GABRB1: variants seen among roughly 807,000 people sequenced by gnomAD.
The protein encoded by GABRB1 is gamma-aminobutyric acid type A receptor subunit beta1, also known as gamma-aminobutyric acid receptor subunit beta-1.
Under a neutral mutation model 51.6 loss-of-function variants are expected in GABRB1, and 17 were observed. The observed-to-expected ratio is 0.33, with a 90% CI of 0.23 to 0.49. The LOEUF is 0.49. Among genes scored for constraint, GABRB1 ranks in the 20% least tolerant of loss-of-function variants. The probability of loss-of-function intolerance (pLI) is 0.99; values close to 1 mark genes in which losing one functional copy is unlikely to be tolerated. For synonymous variants in GABRB1, 247 were observed against 218.9 expected (o/e 1.13, Z -1.14); for missense variants, 410 against 600.6 (o/e 0.68, Z 3.32).
At chr4:47,257,705 A>G (rs1704942693) in intron 4 of GABRB1, among the ~76,000 whole-genome samples, 1 of 152,088 alleles carries the variant, frequency 6.6e-6, no homozygotes. Flanking sequence ...GAAAAAAAAA[A>G]AACTAGTGAA....
chr4:47,379,498 C>A (rs1399734929), intron 5 of GABRB1, among the ~76,000 whole-genome samples: 1 of 152,146 alleles, frequency 6.6e-6, no homozygotes, highest in Non-Finnish European at 1.5e-5. Context: ...GTAGGCTAAA[C>A]TAAGCTATGC....
At chr4:47,288,526 T>C (rs1278187231) in intron 4 of GABRB1, among the ~76,000 whole-genome samples, 1 of 152,156 alleles carries the variant, frequency 6.6e-6, no homozygotes, top group Non-Finnish European at 1.5e-5. Context: ...CCTCCCAAAA[T>C]GCTGGGATTA....
chr4:47,364,278 C>T (rs901408049), intron 5 of GABRB1, among the ~76,000 whole-genome samples: 1 of 152,046 alleles, frequency 6.6e-6, no homozygotes, highest in Non-Finnish European at 1.5e-5. Flanking sequence ...AGGACAAAGG[C>T]CTCCAAACTG....
intron 3 of GABRB1, among the ~76,000 whole-genome samples, chr4:47,133,766 G>T (rs1020327687): frequency 2.0e-5 from 3 of 152,148 alleles, no homozygotes; most frequent in Non-Finnish European, 4.4e-5. Context: ...GAAGGTACAT[G>T]ATGTCAGATG....
At chr4:47,384,376 C>T (rs983498140) in intron 5 of GABRB1, among the ~76,000 whole-genome samples, 4 of 149,540 alleles carry the variant, frequency 2.7e-5, no homozygotes, top group African/African-American at 7.4e-5. Context: ...CACTATTTCT[C>T]ATCAGAATTT....
intron 4 of GABRB1, among the ~76,000 whole-genome samples, chr4:47,206,653 C>T (rs1410198370): frequency 6.6e-6 from 1 of 151,692 alleles, no homozygotes; most frequent in African/African-American, 2.4e-5. Context: ...TTCTAAGTAA[C>T]TCAAAGGATG....
At chr4:47,137,272 G>A (rs1457907719) in intron 3 of GABRB1, among the ~76,000 whole-genome samples, 1 of 152,042 alleles carries the variant, frequency 6.6e-6, no homozygotes, top group Admixed American at 6.6e-5. Flanking sequence ...GGGATCTGGA[G>A]GTGGTCTGAT....
At chr4:47,123,830 A>G (rs1195873994) in intron 3 of GABRB1, among the ~76,000 whole-genome samples, 1 of 85,950 alleles carries the variant, frequency 1.2e-5, no homozygotes, top group Non-Finnish European at 2.1e-5. Flanking sequence ...ATATTATATT[A>G]TATATTATAT....
intron 5 of GABRB1, among the ~76,000 whole-genome samples, chr4:47,398,381 C>A (rs1234435339): frequency 6.6e-6 from 1 of 152,050 alleles, no homozygotes; most frequent in Admixed American, 6.5e-5. Flanking sequence ...TTCTGTTGTC[C>A]AATGTCTTGG....
chr4:47,003,463 T>A (rs981561872), intron 1 of GABRB1, among the ~76,000 whole-genome samples: 1 of 152,246 alleles, frequency 6.6e-6, no homozygotes, highest in African/African-American at 2.4e-5. Flanking sequence ...AGGAAGTTCA[T>A]TGTTATTTAG....
intron 1 of GABRB1, among the ~76,000 whole-genome samples, chr4:47,003,364 T>C (rs1236092251): frequency 6.6e-6 from 1 of 152,208 alleles, no homozygotes; most frequent in Admixed American, 6.5e-5. Flanking sequence ...ACTGACTGAG[T>C]TTCTCGAGGA....
chr4:47,336,691 G>T (rs1318649643), intron 5 of GABRB1, among the ~76,000 whole-genome samples: 2 of 152,216 alleles, frequency 1.3e-5, no homozygotes, highest in African/African-American at 4.8e-5. Context: ...CCCTGATAGT[G>T]CAAGTTGGAT....
chr4:47,130,367 G>C (rs1258131170), intron 3 of GABRB1, among the ~76,000 whole-genome samples: 1 of 127,712 alleles, frequency 7.8e-6, no homozygotes, highest in Non-Finnish European at 1.7e-5. Context: ...GTGTGTGTGT[G>C]TGTGTGTGTG....
chr4:47,032,568 G>T, intron 3 of GABRB1, 84 bp downstream of exon 3: 1 of 1,348,808 alleles, frequency 7.4e-7, no homozygotes, highest in Non-Finnish European at 1.1e-6. Flanking sequence ...CGTTTCATTG[G>T]CGGTCACCTC....
At chr4:47,131,564 T>A (rs963335237) in intron 3 of GABRB1, among the ~76,000 whole-genome samples, 7 of 150,310 alleles carry the variant, frequency 4.7e-5, no homozygotes, top group Non-Finnish European at 5.9e-5. Context: ...AAAACTGCAA[T>A]TTTTTTTTGC....
intron 3 of GABRB1, among the ~76,000 whole-genome samples, chr4:47,130,382 T>C (rs1716358773): frequency 6.7e-6 from 1 of 149,204 alleles, no homozygotes; most frequent in African/African-American, 2.5e-5. Flanking sequence ...TGTGTGTGCT[T>C]TCTTTTCCAG....
At chr4:47,381,488 G>A (rs1292067098) in intron 5 of GABRB1, among the ~76,000 whole-genome samples, 1 of 152,216 alleles carries the variant, frequency 6.6e-6, no homozygotes, top group African/African-American at 2.4e-5. Flanking sequence ...TCATAATCAG[G>A]ATTCCTCGGA....
At chr4:47,123,130 T>G (rs1466298579) in intron 3 of GABRB1, among the ~76,000 whole-genome samples, 2 of 151,786 alleles carry the variant, frequency 1.3e-5, no homozygotes, top group South Asian at 4.1e-4. Context: ...CAAACATAAC[T>G]TGAAATTCAA....
intron 4 of GABRB1, among the ~76,000 whole-genome samples, chr4:47,237,233 AACCTT>A (rs1391182422): frequency 3.9e-5 from 6 of 152,040 alleles, no homozygotes; most frequent in Admixed American, 1.3e-4. Flanking sequence ...AAACAAATAA[AACCTT>A]GGTGGAAGGG....
Sources: allele counts gnomAD v4.1 joint callset (sites outside exome capture counted in the v4.1 genomes callset), GRCh38; gene constraint gnomAD v4.1.1; transcripts MANE v1.5; gene names NCBI Gene and HGNC (gene_info 2026-07-23, HGNC 2026-07-21).